GSG1L: variants seen among roughly 807,000 people sequenced by gnomAD.
The protein encoded by GSG1L is GSG1 like.
GSG1L carries 24 observed loss-of-function variants against 42.1 expected under a neutral mutation model. That is an observed-to-expected ratio of 0.57 (90% CI 0.41 to 0.80). The LOEUF is 0.80. Ranked by LOEUF, GSG1L falls within the 30% of genes least tolerant of loss-of-function variation. The pLI, the probability that GSG1L is intolerant of heterozygous loss-of-function variation, is 0.00. For missense variants in GSG1L, 445 were observed against 472.2 expected (o/e 0.94, Z 0.53); for synonymous variants, 215 against 203.5 (o/e 1.06, Z -0.48).
intron 1 of GSG1L, among the ~76,000 whole-genome samples, chr16:28,039,906 T>C (rs1017582526): frequency 6.6e-6 from 1 of 152,192 alleles, no homozygotes; most frequent in East Asian, 1.9e-4. Flanking sequence ...TATACCTTCA[T>C]ATGTCCAAAA....
At chr16:27,809,767 G>T (rs2083010353) in intron 5 of GSG1L, among the ~76,000 whole-genome samples, 1 of 152,164 alleles carries the variant, frequency 6.6e-6, no homozygotes, top group East Asian at 1.9e-4. Flanking sequence ...AGTGTCCTTG[G>T]TGGGGCATGT....
intron 5 of GSG1L, among the ~76,000 whole-genome samples, chr16:27,814,152 C>T (rs1466956049): frequency 2.6e-5 from 4 of 152,176 alleles, no homozygotes; most frequent in African/African-American, 9.7e-5. Flanking sequence ...CACTCTGTCA[C>T]CCAGGCTGGA....
chr16:28,037,635 A>G (rs1236697023), intron 1 of GSG1L, among the ~76,000 whole-genome samples: 1 of 152,230 alleles, frequency 6.6e-6, no homozygotes, highest in East Asian at 1.9e-4. Flanking sequence ...CAAAATAACA[A>G]TAACAACAAT....
At chr16:27,905,343 G>A (rs2084308565) in intron 2 of GSG1L, among the ~76,000 whole-genome samples, 2 of 130,174 alleles carry the variant, frequency 1.5e-5, no homozygotes, top group Admixed American at 8.2e-5. Flanking sequence ...TTTTTTTAAA[G>A]CGACAGGGTC....
intron 4 of GSG1L, among the ~76,000 whole-genome samples, chr16:27,842,625 G>A (rs1403678462): frequency 1.3e-5 from 2 of 152,020 alleles, no homozygotes; most frequent in Admixed American, 1.3e-4. Flanking sequence ...GTAAAGGGAG[G>A]TCAGAACCTC....
chr16:27,902,605 T>C (rs961179687), intron 2 of GSG1L, among the ~76,000 whole-genome samples: 1 of 152,052 alleles, frequency 6.6e-6, no homozygotes, highest in African/African-American at 2.4e-5. Context: ...GTCATCTGTA[T>C]TCACTGACTC....
rs1175327154 is a variant in GSG1L at position 27,968,047 on chromosome 16, G to A, written c.350-4844C>T. Among the ~76,000 whole-genome samples the A allele has an allele frequency of 5.9e-5, 9 of 152,184 alleles. No individual in the cohort carries two copies. In the East Asian group the frequency reaches 1.7e-3, roughly 29 times the overall value. Reference sequence around the variant, plus strand: ...AATGGCCAAATTCAGACCAACACCCGAGGCCACATTAAAATGTTGGTGGGC... The same window carrying A: ...AATGGCCAAATTCAGACCAACACCCAAGGCCACATTAAAATGTTGGTGGGC... On this transcript the variant is annotated intron_variant, in intron 1 of 6. Transcript: ENST00000447459.
intron 4 of GSG1L, among the ~76,000 whole-genome samples, chr16:27,830,372 A>T (rs1031143161): frequency 1.3e-5 from 2 of 151,828 alleles, no homozygotes; most frequent in African/African-American, 4.8e-5. Context: ...TGCATTCCCC[A>T]TGGTCAATGA....
intron 6 of GSG1L, among the ~76,000 whole-genome samples, chr16:27,798,466 G>A (rs561704330): frequency 1.3e-5 from 2 of 152,178 alleles, no homozygotes; most frequent in Non-Finnish European, 2.9e-5. Flanking sequence ...AGGCGGATGA[G>A]GTTCTTCAGG....
At chr16:28,058,403 C>T (rs776793705) in intron 1 of GSG1L, among the ~76,000 whole-genome samples, 8 of 152,092 alleles carry the variant, frequency 5.3e-5, no homozygotes, top group African/African-American at 1.4e-4. Context: ...CCGAGGCAAG[C>T]GGATCGCTTG....
At chr16:27,951,103 G>A (rs976472198) in intron 2 of GSG1L, among the ~76,000 whole-genome samples, 3 of 152,196 alleles carry the variant, frequency 2.0e-5, no homozygotes, top group African/African-American at 7.2e-5. Context: ...CAAGATGGAC[G>A]AAGGTTACTG....
chr16:28,037,278 G>A (rs113291966), intron 1 of GSG1L, among the ~76,000 whole-genome samples: 2,101 of 152,266 alleles, frequency 0.014, 72 homozygotes, highest in African/African-American at 0.047. Context: ...CACCCGCCTC[G>A]GCCCCCCAAA....
chr16:27,855,619 C>G (rs991194001), intron 3 of GSG1L, among the ~76,000 whole-genome samples: 1 of 150,746 alleles, frequency 6.6e-6, no homozygotes, highest in African/African-American at 2.4e-5. Flanking sequence ...ACTCGGGAAC[C>G]TGAGGCAGGA....
At chr16:28,021,156 G>C (rs770852244) in intron 1 of GSG1L, among the ~76,000 whole-genome samples, 1 of 152,106 alleles carries the variant, frequency 6.6e-6, no homozygotes, top group Non-Finnish European at 1.5e-5. Flanking sequence ...ATGGTTCTGC[G>C]GGCTATGCAG....
At chr16:27,802,012 G>A (rs1308690257) in intron 6 of GSG1L, among the ~76,000 whole-genome samples, 1 of 152,070 alleles carries the variant, frequency 6.6e-6, no homozygotes, top group Non-Finnish European at 1.5e-5. Context: ...TAGCCCTGGA[G>A]GTCCTGCCAA....
chr16:28,030,256 C>T (rs1337817805), intron 1 of GSG1L, among the ~76,000 whole-genome samples: 4 of 152,160 alleles, frequency 2.6e-5, no homozygotes, highest in Non-Finnish European at 4.4e-5. Context: ...CAGAGGTGAG[C>T]GGCTGACCCA....
chr16:27,863,882 T>G (rs1762102931), intron 3 of GSG1L, among the ~76,000 whole-genome samples: 1 of 152,220 alleles, frequency 6.6e-6, no homozygotes, highest in African/African-American at 2.4e-5. Context: ...TCACAAGTGG[T>G]GACTACCTAG....
chr16:27,865,814 C>G (rs1433467850), intron 3 of GSG1L, among the ~76,000 whole-genome samples: 1 of 151,714 alleles, frequency 6.6e-6, no homozygotes, highest in Non-Finnish European at 1.5e-5. Flanking sequence ...ACTCCTGCCT[C>G]AGCCTCCTGA....
intron 1 of GSG1L, among the ~76,000 whole-genome samples, chr16:28,012,590 A>T (rs1445594077): frequency 6.6e-6 from 1 of 151,874 alleles, no homozygotes; most frequent in Admixed American, 6.6e-5. Context: ...TATACAAAAA[A>T]AAAAGATACT....
Sources: allele counts gnomAD v4.1 joint callset (sites outside exome capture counted in the v4.1 genomes callset), GRCh38; gene constraint gnomAD v4.1.1; transcripts MANE v1.5; gene names NCBI Gene and HGNC (gene_info 2026-07-23, HGNC 2026-07-21).